The following KCTD8 variants were observed in gnomAD, a reference collection of about 807,000 sequenced individuals.
KCTD8 encodes the protein BTB/POZ domain-containing protein KCTD8.
Under a neutral mutation model 31.5 loss-of-function variants are expected in KCTD8, and 27 were observed. The observed-to-expected ratio is 0.86, with a 90% confidence interval of 0.63 to 1.18. The LOEUF (loss-of-function observed/expected upper bound fraction) is 1.18, where lower values mean the gene tolerates loss of function less well. KCTD8 is among the 50% of genes most tolerant of loss of function. KCTD8 has a pLI of 0.00. For missense variants in KCTD8, 658 were observed against 647.7 expected (o/e 1.02, Z -0.17); for synonymous variants, 290 against 280.0 (o/e 1.04, Z -0.36).
intron 1 of KCTD8, among the ~76,000 whole-genome samples, chr4:44,442,235 A>T (rs1235909918): frequency 6.6e-6 from 1 of 152,120 alleles, no homozygotes; most frequent in African/African-American, 2.4e-5. Flanking sequence ...TTAAAGAGTT[A>T]TTTAATCTTA....
At chr4:44,267,659 A>C (rs1716429095) in intron 1 of KCTD8, among the ~76,000 whole-genome samples, 1 of 152,188 alleles carries the variant, frequency 6.6e-6, no homozygotes, top group Non-Finnish European at 1.5e-5. Context: ...AAGACTAATA[A>C]AGAAAAAAGA....
At chr4:44,238,819 T>A (rs1012760490) in intron 1 of KCTD8, among the ~76,000 whole-genome samples, 1 of 152,218 alleles carries the variant, frequency 6.6e-6, no homozygotes, top group African/African-American at 2.4e-5. Flanking sequence ...GGAATTAACA[T>A]AGTAGCATTA....
At chr4:44,390,620 C>T (rs1374346703) in intron 1 of KCTD8, among the ~76,000 whole-genome samples, 1 of 151,946 alleles carries the variant, frequency 6.6e-6, no homozygotes, top group Non-Finnish European at 1.5e-5. Flanking sequence ...GGTATGCAGG[C>T]TCTTTTTTTG....
intron 1 of KCTD8, among the ~76,000 whole-genome samples, chr4:44,408,064 A>G (rs1222272375): frequency 1.3e-5 from 2 of 152,276 alleles, no homozygotes; most frequent in East Asian, 1.9e-4. Context: ...GGAACTATAT[A>G]TCCTAAGGAT....
intron 1 of KCTD8, among the ~76,000 whole-genome samples, chr4:44,319,549 A>T (rs1718233476): frequency 6.6e-6 from 1 of 152,040 alleles, no homozygotes; most frequent in Admixed American, 6.6e-5. Context: ...ATATAAAATA[A>T]TAGATAAATC....
At chr4:44,205,788 C>T (rs1319301180) in intron 1 of KCTD8, among the ~76,000 whole-genome samples, 1 of 152,162 alleles carries the variant, frequency 6.6e-6, no homozygotes, top group Admixed American at 6.5e-5. Context: ...CATTGGAAGA[C>T]TTGGGATTAG....
At chr4:44,424,686 C>T (rs1232761305) in intron 1 of KCTD8, among the ~76,000 whole-genome samples, 1 of 151,974 alleles carries the variant, frequency 6.6e-6, no homozygotes, top group Admixed American at 6.6e-5. Flanking sequence ...AAAAAATCAA[C>T]TCCAAAACAT....
rs554458072 is a variant in KCTD8, at chr4:44,318,975, G to A, written c.961+128588C>T. Among the ~76,000 whole-genome samples the A allele has an allele frequency of 2.6e-5, 4 of 152,348 alleles. No individual in the cohort carries two copies. The South Asian group carries it at 8.3e-4, about 32-fold the overall frequency. On this transcript the variant is annotated intron_variant, in intron 1 of 1. Coordinates refer to ENST00000360029, the MANE Select transcript of KCTD8 (RefSeq NM_198353.3). ...AGATAAAATAATTCACTTTAGGTAA[G>A]ATGGCAGGAAGGAGAAAAGGCAAAA...
intron 1 of KCTD8, among the ~76,000 whole-genome samples, chr4:44,371,586 T>G (rs1452680929): frequency 6.6e-6 from 1 of 152,188 alleles, no homozygotes; most frequent in Non-Finnish European, 1.5e-5. Flanking sequence ...CTATTCCCAA[T>G]TAAATATTAA....
chr4:44,244,149 C>T (rs968425590), intron 1 of KCTD8, among the ~76,000 whole-genome samples: 10 of 152,186 alleles, frequency 6.6e-5, no homozygotes, highest in African/African-American at 1.2e-4. Context: ...AACCCTATTC[C>T]GAGGAGACAT....
At chr4:44,285,282 C>T (rs901845767) in intron 1 of KCTD8, among the ~76,000 whole-genome samples, 4 of 152,160 alleles carry the variant, frequency 2.6e-5, no homozygotes, top group East Asian at 1.9e-4. Flanking sequence ...CCATGGAATA[C>T]TATGCACCCA....
intron 1 of KCTD8, among the ~76,000 whole-genome samples, chr4:44,189,124 T>C (rs1421636154): frequency 3.3e-5 from 5 of 152,170 alleles, no homozygotes; most frequent in Non-Finnish European, 7.4e-5. Flanking sequence ...TAAAATAAAA[T>C]ATTTTGCAGG....
chr4:44,201,000 G>A (rs1027932374), intron 1 of KCTD8, among the ~76,000 whole-genome samples: 6 of 151,824 alleles, frequency 4.0e-5, no homozygotes, highest in African/African-American at 7.2e-5. Context: ...CAATGGCATT[G>A]TTATGCATCA....
In KCTD8 at chr4:44,290,882, T is replaced by C. The variant is rs148526822; in HGVS notation, c.962-115632A>G. ...TTAGAAAGATCTCAAATTAACAATC[T>C]AATACTACACCTAGAGGAACCAGGG... On this transcript the variant is annotated intron_variant, in intron 1 of 1. Coordinates refer to ENST00000360029, the MANE Select transcript of KCTD8 (RefSeq NM_198353.3). 5.8e-3 allele frequency among the ~76,000 whole-genome samples: 885 copies of C among 152,064 alleles called. 4 individuals carry two copies. The highest frequency in any genetic ancestry group is 8.6e-3 in the Non-Finnish European group (582 of 67,980).
intron 1 of KCTD8, among the ~76,000 whole-genome samples, chr4:44,417,036 TG>T (rs1721091956): frequency 6.6e-6 from 1 of 152,190 alleles, no homozygotes; most frequent in South Asian, 2.1e-4. Flanking sequence ...ACACAGGTAA[TG>T]AAAAGATGCT....
At chr4:44,293,433 C>A (rs1011501879) in intron 1 of KCTD8, 9 of 455,648 alleles carry the variant, frequency 2.0e-5, no homozygotes, top group Non-Finnish European at 3.5e-5. Context: ...CCTGGTTCTG[C>A]ATCTTGATTC....
At chr4:44,299,739 G>A (rs943330726) in intron 1 of KCTD8, among the ~76,000 whole-genome samples, 6 of 150,620 alleles carry the variant, frequency 4.0e-5, no homozygotes, top group East Asian at 2.0e-4. Context: ...AAAAAAAAAA[G>A]GTGGTGCCTT....
chr4:44,257,565 A>G (rs1406976889), intron 1 of KCTD8, among the ~76,000 whole-genome samples: 1 of 151,988 alleles, frequency 6.6e-6, no homozygotes, highest in Non-Finnish European at 1.5e-5. Context: ...TTTTCTTTCT[A>G]ATTATTTTTC....
intron 1 of KCTD8, among the ~76,000 whole-genome samples, chr4:44,431,686 C>T (rs962568459): frequency 4.0e-5 from 6 of 151,436 alleles, no homozygotes; most frequent in African/African-American, 1.2e-4. Flanking sequence ...CTCAGGTGAC[C>T]AGAAATACAT....
Sources: allele counts gnomAD v4.1 joint callset (sites outside exome capture counted in the v4.1 genomes callset), GRCh38; gene constraint gnomAD v4.1.1; transcripts MANE v1.5; gene names NCBI Gene and HGNC (gene_info 2026-07-23, HGNC 2026-07-21).